The following ENPP1 variants were observed in gnomAD, a reference collection of about 807,000 sequenced individuals.
The protein encoded by ENPP1 is ectonucleotide pyrophosphatase/phosphodiesterase family member 1.
Under a neutral mutation model 122.8 loss-of-function variants are expected in ENPP1, and 73 were observed. That is an observed-to-expected ratio of 0.59 (90% CI 0.49 to 0.72). The LOEUF (loss-of-function observed/expected upper bound fraction) is 0.72, where lower values mean the gene tolerates loss of function less well. Ranked by LOEUF, ENPP1 falls within the 30% of genes least tolerant of loss-of-function variation. The pLI, the probability that ENPP1 is intolerant of heterozygous loss-of-function variation, is 0.00. For synonymous variants in ENPP1, 367 were observed against 391.6 expected (o/e 0.94, Z 0.74); for missense variants, 978 against 1,128.1 (o/e 0.87, Z 1.91).
chr6:131,880,492 AGGT>A (rs370784834), intron 20 of ENPP1, among the ~76,000 whole-genome samples: 2,061 of 151,196 alleles, frequency 0.014, 52 homozygotes, highest in African/African-American at 0.048. Flanking sequence ...TGAACCCGGG[AGGT>A]GGTGGAGCTT....
At chr6:131,849,309 AC>A (rs1321777573) in intron 2 of ENPP1, among the ~76,000 whole-genome samples, 1 of 152,198 alleles carries the variant, frequency 6.6e-6, no homozygotes, top group African/African-American at 2.4e-5. Context: ...TAACCTAGTT[AC>A]GTGTGGAATT....
intron 1 of ENPP1, among the ~76,000 whole-genome samples, chr6:131,835,508 C>T (rs987825921): frequency 2.6e-5 from 4 of 152,120 alleles, no homozygotes; most frequent in Admixed American, 1.3e-4. Context: ...CTAGTCCAAC[C>T]AAATCTATAC....
chr6:131,872,995 AG>A lies in ENPP1; in HGVS notation c.1511del (p.Ser504MetfsTer7). ...ACCTAAGCGTTTGCACTTTGCTAAG[AG>A]TGATAGAATTGAGCCCTTGACATTC... ...FLPKRLHFAK[S>X]DRIEPLTFYL... On this transcript the variant is annotated frameshift_variant, in exon 15 of 25. Transcript: ENST00000647893. LOFTEE classifies it high-confidence loss of function. The A allele has an allele frequency of 6.2e-7, 1 of 1,613,876 alleles. No individual in the cohort carries two copies. The highest frequency in any genetic ancestry group is 1.1e-5 in the South Asian group (1 of 91,076).
chr6:131,880,134 C>T (rs571385488), intron 20 of ENPP1, 100 bp downstream of exon 20: 1 of 1,193,012 alleles, frequency 8.4e-7, no homozygotes, highest in Non-Finnish European at 1.2e-6. Flanking sequence ...GCTTTATACT[C>T]AGTTCCCGCA....
chr6:131,821,656 C>T (rs189281320), intron 1 of ENPP1, among the ~76,000 whole-genome samples: 3 of 152,282 alleles, frequency 2.0e-5, no homozygotes, highest in Non-Finnish European at 2.9e-5. Flanking sequence ...TTGCCCTTAG[C>T]GTTGCCAATC....
intron 24 of ENPP1, among the ~76,000 whole-genome samples, chr6:131,886,988 T>C (rs562185909): frequency 6.8e-6 from 1 of 146,866 alleles, no homozygotes; most frequent in African/African-American, 2.5e-5. Flanking sequence ...GGTCTTGAAC[T>C]CCTGGCCTCT....
chr6:131,827,098 C>T (rs1427211285), intron 1 of ENPP1: 6 of 671,614 alleles, frequency 8.9e-6, no homozygotes, highest in African/African-American at 3.6e-5. Context: ...ACCTCCATTT[C>T]GGTGAACTCA....
chr6:131,877,315 T>C, intron 18 of ENPP1, 154 bp downstream of exon 18: 1 of 739,684 alleles, frequency 1.4e-6, no homozygotes, highest in South Asian at 1.6e-5. Context: ...TGTAGATCTT[T>C]TGTGATATAT....
At chr6:131,830,582 A>G (rs1364656981) in intron 1 of ENPP1, among the ~76,000 whole-genome samples, 1 of 152,200 alleles carries the variant, frequency 6.6e-6, no homozygotes. Flanking sequence ...AAAAAGTGAA[A>G]GTTCAGTTTG....
At position 131,887,581 on chromosome 6, in the gene ENPP1, C is replaced by G. The variant is rs111642129; in HGVS notation, c.2607+857C>G. 7.2e-3 allele frequency among the ~76,000 whole-genome samples: 803 copies of G among 111,162 alleles called. 16 individuals are homozygous for G. Among genetic ancestry groups the G allele is most frequent in the African/African-American group, 0.015 (362 of 24,544 alleles). 72.9% of individuals were successfully genotyped at this position (111,162 alleles called of 152,430 possible). A position where few individuals can be genotyped will look rare whatever the true frequency, so the allele number is the denominator to read the frequency against. ...CTAATTTTTTTTTTTTTTTTTGAGA[C>G]AGAGTCTCACTTTGGCTTCCAGGCT... On this transcript the variant is annotated intron_variant, in intron 24 of 24. Coordinates refer to ENST00000647893, the MANE Select transcript of ENPP1 (RefSeq NM_006208.3).
Position 131,851,219 on chromosome 6 carries a change from T to C in ENPP1, c.508T>C (p.Cys170Arg). ...AAGCCTCTGTGCCTGTTCAGATGAC[T>C]GCAAGGACAAGGGCGACTGCTGCAT... ...TRSLCACSDD[C>R]KDKGDCCINY... The change falls in exon 4 of 25, where the codon TGC (cysteine) becomes CGC (arginine). Residue 170 changes from cysteine (C) to arginine (R), a missense_variant. Physicochemically the swap from Cys to Arg is radical, Grantham distance 180. Transcript: ENST00000647893. 6.2e-7 allele frequency: 1 copy of C among 1,614,124 alleles called. No homozygotes were observed. The highest frequency in any genetic ancestry group is 2.2e-5 in the East Asian group (1 of 44,876).
Position 131,892,451 on chromosome 6 carries a change from T to G in ENPP1, c.*1940T>G, listed in dbSNP as rs1752128155. The G allele has an allele frequency of 6.6e-6, 1 of 152,160 alleles. No individual in the cohort carries two copies. Among genetic ancestry groups the G allele is most frequent in the Non-Finnish European group, 1.5e-5 (1 of 68,042 alleles). The allele number at this position is 152,160 out of a possible 1,614,324, so 9.4% of individuals were successfully genotyped here. On this transcript the variant is annotated 3_prime_UTR_variant, in exon 25 of 25. Coordinates refer to ENST00000647893, the MANE Select transcript of ENPP1 (RefSeq NM_006208.3). The stretch of plus-strand genomic sequence containing the variant: ...TTCCCATTAGGTCTTTATTGATTCT[T>G]CCCTGGCTGGAATGTGCAGCGGCAC...
intron 18 of ENPP1, chr6:131,877,838 CAAAAAAAAAAAA>C (rs1169868832): frequency 1.7e-4 from 2 of 12,108 alleles, no homozygotes; most frequent in African/African-American, 7.0e-4. Context: ...GACCCTTTCT[CAAAAAAAAAAAA>C]AAAAAAAAAA....
chr6:131,808,292 G>C lies in ENPP1; in HGVS notation c.240+17G>C. 6.7e-7 allele frequency: 1 copy of C among 1,485,632 alleles called. No individual in the cohort carries two copies. Among genetic ancestry groups the C allele is most frequent in the Non-Finnish European group, 9.0e-7 (1 of 1,113,254 alleles). 92.0% of individuals were successfully genotyped at this position (1,485,632 alleles called of 1,614,324 possible). On this transcript the variant is annotated intron_variant, in intron 1 of 24. Coordinates refer to ENST00000647893, the MANE Select transcript of ENPP1 (RefSeq NM_006208.3). ...CTCTCGCTGGTAGGTCCGCGGCCAG[G>C]CCCCGGCGCCCGGGAGGGCTGGGAG...
chr6:131,819,744 G>C (rs1781460211), intron 1 of ENPP1: 1 of 290,948 alleles, frequency 3.4e-6, no homozygotes, highest in African/African-American at 2.3e-5. Flanking sequence ...CCCACTTCTT[G>C]ATGGTTTCTT....
At chr6:131,834,711 T>TTTTTAGTAGAGACGGGGTTTCACAA (rs1781653430) in intron 1 of ENPP1, among the ~76,000 whole-genome samples, 1 of 151,526 alleles carries the variant, frequency 6.6e-6, no homozygotes, top group Non-Finnish European at 1.5e-5. Flanking sequence ...TTTTTTTGTA[T>TTTTTAGTAGAGACGGGGTTTCACAA]TTTTAGTAGA....
Position 131,847,856 on chromosome 6 carries a change from G to GTTGTGTGTGTGTGT in ENPP1, c.313+8_313+9insTTGTGTGTGTGTGT. ...CAAGCTGTGCCAAAGAAGGTAATTAGGTGTGTGTGTGTGTGTGTGTGTGTG... is the reference window on the plus strand; with the variant it reads ...CAAGCTGTGCCAAAGAAGGTAATTAGTTGTGTGTGTGTGTGTGTGTGTGTGTGTGTGTGTGTGTG... On this transcript the variant is annotated intron_variant, in intron 2 of 24. Transcript: ENST00000647893. 4.2e-6 allele frequency: 5 copies of GTTGTGTGTGTGTGT among 1,181,200 alleles called. No individual in the cohort carries two copies. The South Asian group carries it at 6.7e-5, about 16-fold the overall frequency. The allele number at this position is 1,181,200 out of a possible 1,614,324, so 73.2% of individuals were successfully genotyped here. A position where few individuals can be genotyped will look rare whatever the true frequency, so the allele number is the denominator to read the frequency against.
chr6:131,871,517 A>T (rs1170613389), intron 13 of ENPP1, among the ~76,000 whole-genome samples: 2 of 152,136 alleles, frequency 1.3e-5, no homozygotes, highest in East Asian at 3.9e-4. Flanking sequence ...TTGACAACTC[A>T]TTTCCCCTCT....
At chr6:131,828,315 C>T in intron 1 of ENPP1, 1 of 502,744 alleles carries the variant, frequency 2.0e-6, no homozygotes, top group African/African-American at 2.0e-5. Flanking sequence ...ACATGATCAG[C>T]ATGATGTAAT....
Sources: gnomAD v4.1 joint callset for allele counts (sites outside exome capture counted in the v4.1 genomes callset) on GRCh38, gnomAD v4.1.1 for gene constraint, MANE v1.5 for transcripts, NCBI Gene and HGNC (gene_info 2026-07-23, HGNC 2026-07-21) for gene names.